The following PSD3 variants were observed in gnomAD, a reference collection of about 807,000 sequenced individuals.
PSD3 encodes PH and SEC7 domain-containing protein 3.
A neutral mutation model predicts 105.5 loss-of-function variants in PSD3; 49 were observed. That is an observed-to-expected ratio of 0.46 (90% confidence interval 0.37 to 0.59). PSD3 has a LOEUF of 0.59. Ranked by LOEUF, PSD3 falls within the 20% of genes least tolerant of loss-of-function variation. The probability of loss-of-function intolerance (pLI) is 0.00; values close to 1 mark genes in which losing one functional copy is unlikely to be tolerated. For synonymous variants in PSD3, 557 were observed against 457.8 expected, an observed-to-expected ratio of 1.22 and a Z score of -2.77; for missense variants, 1,561 against 1,263.8, an observed-to-expected ratio of 1.24 and a Z score of -3.57.
chr8:18,776,195 G>A (rs1808055018), intron 8 of PSD3, among the ~76,000 whole-genome samples: 1 of 150,266 alleles, frequency 6.7e-6, no homozygotes, highest in Non-Finnish European at 1.5e-5. Flanking sequence ...CTGTTCCACT[G>A]ACCAATGTGT....
chr8:18,636,170 C>A (rs1490206643), intron 10 of PSD3, among the ~76,000 whole-genome samples: 1 of 152,202 alleles, frequency 6.6e-6, no homozygotes, highest in South Asian at 2.1e-4. Flanking sequence ...ATGATCCTGA[C>A]CCTTGTGTGG....
chr8:18,916,303 T>C (rs1365620561), intron 2 of PSD3, among the ~76,000 whole-genome samples: 1 of 978 alleles, frequency 1.0e-3, no homozygotes, highest in Non-Finnish European at 1.7e-3. Context: ...AAGTGATATA[T>C]ATATATATAT....
At position 18,728,214 on chromosome 8, in the gene PSD3, C is replaced by G. The variant is rs533008233; in HGVS notation, c.2172+37235G>C. 2.0e-5 allele frequency among the ~76,000 whole-genome samples: 3 copies of G among 152,272 alleles called. No individual in the cohort carries two copies. In the East Asian group the frequency reaches 5.8e-4, roughly 29 times the overall value. ...TCTCTGATTTTCCATGGAATTTCTG[C>G]ACCGTACAATTGAGCACTGAAATAC... On this transcript the variant is annotated intron_variant, in intron 9 of 15. Transcript: ENST00000327040.
chr8:18,671,433 C>G (rs1033733264), intron 9 of PSD3, among the ~76,000 whole-genome samples: 5 of 152,300 alleles, frequency 3.3e-5, no homozygotes, highest in African/African-American at 9.6e-5. Context: ...TTTGTGAAAT[C>G]TGGCAACCCT....
intron 1 of PSD3, among the ~76,000 whole-genome samples, chr8:19,050,899 G>C (rs956933783): frequency 1.3e-5 from 2 of 152,122 alleles, no homozygotes; most frequent in African/African-American, 4.8e-5. Context: ...TGAGCCAGGA[G>C]CTAGTCACTC....
At chr8:18,979,082 G>A (rs1297865498) in intron 1 of PSD3, among the ~76,000 whole-genome samples, 12 of 152,086 alleles carry the variant, frequency 7.9e-5, no homozygotes, top group Non-Finnish European at 1.8e-4. Flanking sequence ...TGGGTAAGAA[G>A]AGACTTCTGA....
Position 18,843,478 on chromosome 8 carries a change from T to C in PSD3, c.1634+24196A>G, listed in dbSNP as rs145800403. On this transcript the variant is annotated intron_variant, in intron 4 of 15. Coordinates refer to ENST00000327040, the MANE Select transcript of PSD3 (RefSeq NM_015310.4). Reference sequence around the variant, plus strand: ...CCTTTCCCTTCATATAACGAAGTAATATAAGAGGTATTAGGAAAACCCCTC... The same window carrying C: ...CCTTTCCCTTCATATAACGAAGTAACATAAGAGGTATTAGGAAAACCCCTC... Among the ~76,000 whole-genome samples, 15 of 152,298 alleles carry C rather than the reference T, an allele frequency of 9.8e-5. No homozygotes were observed. The East Asian group carries it at 2.3e-3, about 23-fold the overall frequency.
chr8:18,750,889 T>C (rs1302220131), intron 9 of PSD3, among the ~76,000 whole-genome samples: 13 of 152,190 alleles, frequency 8.5e-5, no homozygotes, highest in African/African-American at 2.9e-4. Flanking sequence ...TTGAGCTAGA[T>C]ACAGAGTGCC....
At chr8:18,845,734 G>A (rs1402541076) in intron 4 of PSD3, among the ~76,000 whole-genome samples, 1 of 152,064 alleles carries the variant, frequency 6.6e-6, no homozygotes, top group Non-Finnish European at 1.5e-5. Context: ...GCCGGTCGTT[G>A]GAGACCAGCC....
intron 9 of PSD3, among the ~76,000 whole-genome samples, chr8:18,693,862 C>T (rs1801113896): frequency 6.6e-6 from 1 of 152,174 alleles, no homozygotes; most frequent in African/African-American, 2.4e-5. Context: ...AGGTCAGTTT[C>T]CATGTTTTTG....
At chr8:18,544,794 G>A (rs1037290653) in intron 15 of PSD3, among the ~76,000 whole-genome samples, 9 of 152,132 alleles carry the variant, frequency 5.9e-5, no homozygotes, top group African/African-American at 1.9e-4. Flanking sequence ...GCCCCAGGAA[G>A]CTCTCATAGG....
At chr8:18,935,536 G>C (rs79089079) in intron 2 of PSD3, among the ~76,000 whole-genome samples, 2 of 149,794 alleles carry the variant, frequency 1.3e-5, no homozygotes, top group Admixed American at 1.3e-4. Context: ...AAGAAAAAAA[G>C]TATTTTTTTA....
chr8:18,591,065 T>C (rs1249604685), intron 12 of PSD3, among the ~76,000 whole-genome samples: 3 of 152,166 alleles, frequency 2.0e-5, no homozygotes, highest in East Asian at 3.9e-4. Context: ...AATCAATGAT[T>C]TATGGACCAA....
intron 11 of PSD3, among the ~76,000 whole-genome samples, chr8:18,609,751 C>T (rs1224328113): frequency 6.6e-6 from 1 of 152,208 alleles, no homozygotes; most frequent in Non-Finnish European, 1.5e-5. Context: ...ATGACAGACT[C>T]ACAGATGATT....
chr8:18,913,533 G>A (rs1303900193), intron 2 of PSD3, among the ~76,000 whole-genome samples: 1 of 152,042 alleles, frequency 6.6e-6, no homozygotes, highest in Non-Finnish European at 1.5e-5. Context: ...AGCCAGGCCA[G>A]CCTCAGGGGC....
chr8:18,877,420 C>G (rs1270907587), intron 2 of PSD3, among the ~76,000 whole-genome samples: 1 of 152,046 alleles, frequency 6.6e-6, no homozygotes, highest in African/African-American at 2.4e-5. Flanking sequence ...GTTGAAAAGA[C>G]TATTCTTTAC....
chr8:18,629,891 G>C (rs1372165619), intron 11 of PSD3, among the ~76,000 whole-genome samples: 1 of 151,854 alleles, frequency 6.6e-6, no homozygotes, highest in Non-Finnish European at 1.5e-5. Flanking sequence ...TGGATTGTAA[G>C]GCTGAATTAT....
At chr8:18,594,243 T>TA (rs1803874207) in intron 12 of PSD3, among the ~76,000 whole-genome samples, 1 of 5,506 alleles carries the variant, frequency 1.8e-4, no homozygotes, top group African/African-American at 4.1e-4. Context: ...TATATATTAT[T>TA]ATATATATTA....
chr8:18,913,082 C>CAA (rs1442340521), intron 2 of PSD3, among the ~76,000 whole-genome samples: 5 of 119,928 alleles, frequency 4.2e-5, no homozygotes, highest in South Asian at 2.9e-4. Flanking sequence ...CACACACACA[C>CAA]ACAAACACAC....
Sources: gnomAD v4.1 joint callset for allele counts (sites outside exome capture counted in the v4.1 genomes callset) on GRCh38, gnomAD v4.1.1 for gene constraint, MANE v1.5 for transcripts, NCBI Gene and HGNC (gene_info 2026-07-23, HGNC 2026-07-21) for gene names.